Variants in CORO2B observed in about 807,000 individuals in gnomAD.
The protein encoded by CORO2B is coronin 2B, also known as coronin-2B.
Under a neutral mutation model 58.8 loss-of-function variants are expected in CORO2B, and 26 were observed. The ratio of observed to expected loss-of-function variants is 0.44; its 90% CI spans 0.32 to 0.61. The LOEUF (loss-of-function observed/expected upper bound fraction) is 0.61, where lower values mean the gene tolerates loss of function less well. Among genes scored for constraint, CORO2B ranks in the 20% least tolerant of loss-of-function variants. CORO2B has a pLI of 0.04. For missense variants in CORO2B, 460 were observed against 645.1 expected (o/e 0.71, Z 3.11); for synonymous variants, 242 against 253.8 (o/e 0.95, Z 0.44).
At chr15:68,576,401 G>A (rs1239052500), upstream of CORO2B, among the ~76,000 whole-genome samples, 20 of 152,120 alleles carry the variant, frequency 1.3e-4, no homozygotes, top group Admixed American at 1.3e-3. Flanking sequence ...GCAGCAGATT[G>A]ATGTTCCTAA....
At chr15:68,572,643 G>A in the CORO2B span, among the ~76,000 whole-genome samples, 2 of 152,094 alleles carry the variant, frequency 1.3e-5, no homozygotes, top group Non-Finnish European at 2.9e-5. Context: ...AATCTGCCTG[G>A]TATGGAGCCC....
Position 68,610,352 on chromosome 15 carries a change from C to G in CORO2B, c.15+31075C>G, listed in dbSNP as rs8031588. On this transcript the variant is annotated intron_variant, in intron 1 of 11. Coordinates refer to ENST00000261861, the MANE Select transcript of CORO2B (RefSeq NM_006091.5). ...ACTTGCCTCAAGGCCTAGTGAAGGG[C>G]TGGGGGCTGGCTTGGGCCCTGCATG... 6.8e-3 allele frequency among the ~76,000 whole-genome samples: 1,041 copies of G among 152,282 alleles called. 13 individuals carry two copies. The highest frequency in any genetic ancestry group is 0.024 in the African/African-American group (986 of 41,560).
At chr15:68,578,691 CG>C (rs1899335470), upstream of CORO2B, among the ~76,000 whole-genome samples, 1 of 152,134 alleles carries the variant, frequency 6.6e-6, no homozygotes, top group South Asian at 2.1e-4. This position sits in a 1 kb window ranked among gnomAD's most constrained non-coding sequence, Gnocchi z 4.2. Context: ...CCCGGGCCAG[CG>C]GGACACCCGA....
Position 68,726,093 on chromosome 15 carries a change from G to A in CORO2B, c.*119G>A, listed in dbSNP as rs1893292415. On this transcript the variant is annotated 3_prime_UTR_variant, in exon 12 of 12. Transcript: ENST00000261861. ...GGACAGGAGTGGGGGCCAGCCTGAGGACCCCCGCCTACCACCTCGAGAACT... is the reference window on the plus strand; with the variant it reads ...GGACAGGAGTGGGGGCCAGCCTGAGAACCCCCGCCTACCACCTCGAGAACT... 1 of 1,344,146 alleles carries A rather than the reference G, an allele frequency of 7.4e-7. No individual in the cohort carries two copies. The highest frequency in any genetic ancestry group is 1.0e-6 in the Non-Finnish European group (1 of 986,338). The allele number at this position is 1,344,146 out of a possible 1,614,324, so 83.3% of individuals were successfully genotyped here. A position where few individuals can be genotyped will look rare whatever the true frequency, so the allele number is the denominator to read the frequency against.
chr15:68,660,715 A>G (rs978061128), intron 2 of CORO2B, among the ~76,000 whole-genome samples: 4 of 152,124 alleles, frequency 2.6e-5, no homozygotes, highest in Admixed American at 6.5e-5. Flanking sequence ...CCTTTTTTAC[A>G]TATCCACAAT....
intron 1 of CORO2B, among the ~76,000 whole-genome samples, chr15:68,595,665 A>G (rs1899807932): frequency 6.6e-6 from 1 of 152,202 alleles, no homozygotes; most frequent in South Asian, 2.1e-4. Context: ...CACTAGACCA[A>G]TCCAAATCTT....
At chr15:68,551,761 C>T in the CORO2B span, among the ~76,000 whole-genome samples, 343 of 152,342 alleles carry the variant, frequency 2.3e-3, 1 homozygote, top group Non-Finnish European at 3.4e-3. Context: ...GTTACAAAAA[C>T]TGCAGTTTAA....
intron 5 of CORO2B, 49 bp from the exon 6 acceptor site, chr15:68,713,876 A>T (rs769189564): frequency 7.7e-6 from 10 of 1,304,964 alleles, no homozygotes. Context: ...CCACTGCAGA[A>T]CCCACATGTT....
At chr15:68,713,668 G>A (rs140047835) in intron 5 of CORO2B, among the ~76,000 whole-genome samples, 9 of 152,184 alleles carry the variant, frequency 5.9e-5, no homozygotes, top group Admixed American at 5.2e-4. Flanking sequence ...CTTCTCCCCT[G>A]TGTGTCTCTG....
At chr15:68,665,931 T>A (rs1036752568) in intron 2 of CORO2B, among the ~76,000 whole-genome samples, 1 of 152,232 alleles carries the variant, frequency 6.6e-6, no homozygotes, top group Non-Finnish European at 1.5e-5. Context: ...TTTCTTTTTT[T>A]AATTGCATTG....
Position 68,721,899 on chromosome 15 carries a change from C to G in CORO2B, c.1311+2347C>G, listed in dbSNP as rs185448820. Among the ~76,000 whole-genome samples, 101 of 152,120 alleles carry G rather than the reference C, an allele frequency of 6.6e-4. 1 individual carries two copies. Among genetic ancestry groups the G allele is most frequent in the South Asian group, 4.2e-3 (20 of 4,806 alleles). On this transcript the variant is annotated intron_variant, in intron 11 of 11. Coordinates refer to ENST00000261861, the MANE Select transcript of CORO2B (RefSeq NM_006091.5). ...AGTAGCTGGAACTAGCGGCGTGTAC[C>G]ACCATACCCAACTAATTTGTTTTTA... is the stretch of plus-strand genomic sequence containing the variant.
At chr15:68,652,168 G>A (rs1029306283) in intron 2 of CORO2B, among the ~76,000 whole-genome samples, 3 of 152,208 alleles carry the variant, frequency 2.0e-5, no homozygotes, top group Non-Finnish European at 2.9e-5. Context: ...GTTCTGGCTG[G>A]CAGATCTCGA....
chr15:68,598,897 T>C (rs900200112), intron 1 of CORO2B, among the ~76,000 whole-genome samples: 4 of 152,160 alleles, frequency 2.6e-5, no homozygotes, highest in African/African-American at 9.7e-5. Context: ...AGCCATGCTG[T>C]GAGTCTGTCC....
intron 3 of CORO2B, among the ~76,000 whole-genome samples, chr15:68,701,146 C>T (rs1484763205): frequency 2.0e-5 from 3 of 152,058 alleles, no homozygotes; most frequent in Non-Finnish European, 4.4e-5. Context: ...CCCTGAGGGG[C>T]CAGTGCGCCG....
intron 2 of CORO2B, among the ~76,000 whole-genome samples, chr15:68,693,303 AC>A (rs1290955458): frequency 6.6e-6 from 1 of 152,250 alleles, no homozygotes; most frequent in Non-Finnish European, 1.5e-5. Flanking sequence ...TCACAGCAGG[AC>A]ACATACTCTG....
chr15:68,544,094 C>G, the CORO2B span, among the ~76,000 whole-genome samples: 1,844 of 152,286 alleles, frequency 0.012, 50 homozygotes, highest in African/African-American at 0.042. Flanking sequence ...CCTTCCTTCC[C>G]CAAGCTCTGT....
intron 1 of CORO2B, among the ~76,000 whole-genome samples, chr15:68,582,331 G>C (rs758226191): frequency 5.3e-5 from 8 of 152,178 alleles, no homozygotes; most frequent in Non-Finnish European, 1.2e-4. Flanking sequence ...AAGAAAGCCA[G>C]AAAAAGGGAA....
chr15:68,678,774 C>T (rs760239890), intron 2 of CORO2B, among the ~76,000 whole-genome samples: 2 of 152,212 alleles, frequency 1.3e-5, no homozygotes, highest in South Asian at 2.1e-4. Context: ...CACACCATGT[C>T]CCCTGGGAGC....
chr15:68,670,848 G>A (rs1353816595), intron 2 of CORO2B, among the ~76,000 whole-genome samples: 1 of 152,194 alleles, frequency 6.6e-6, no homozygotes, highest in East Asian at 1.9e-4. Flanking sequence ...CTCTTGAGTT[G>A]CTGACAGGAG....
Sources: allele counts gnomAD v4.1 joint callset (sites outside exome capture counted in the v4.1 genomes callset), GRCh38; gene constraint gnomAD v4.1.1; non-coding constraint Gnocchi (gnomAD v3.1); transcripts MANE v1.5; gene names NCBI Gene and HGNC (gene_info 2026-07-23, HGNC 2026-07-21).